DNAJC8: variants seen among roughly 807,000 people sequenced by gnomAD.
DNAJC8 encodes the protein dnaJ homolog subfamily C member 8.
Under a neutral mutation model 43.2 loss-of-function variants are expected in DNAJC8, and 24 were observed. The ratio of observed to expected loss-of-function variants is 0.56; its 90% CI spans 0.40 to 0.78. The LOEUF is 0.78. DNAJC8 is among the 30% of genes least tolerant of loss of function. The pLI is 0.00. For synonymous variants in DNAJC8, 83 were observed against 98.0 expected, an observed-to-expected ratio of 0.85 and a Z score of 0.90; for missense variants, 207 against 299.4, an observed-to-expected ratio of 0.69 and a Z score of 2.28.
At chr1:28,209,910 C>T in intron 5 of DNAJC8, 62 bp downstream of exon 5, 1 of 1,480,242 alleles carries the variant, frequency 6.8e-7, no homozygotes, top group East Asian at 2.3e-5. Context: ...ATGTACCCTT[C>T]TACAAGGTGC....
chr1:28,232,426 G>A (rs975267780), intron 1 of DNAJC8, among the ~76,000 whole-genome samples: 6 of 152,142 alleles, frequency 3.9e-5, no homozygotes, highest in African/African-American at 1.2e-4. Flanking sequence ...CTACTGTAAG[G>A]CCCCAAACTA....
intron 2 of DNAJC8, 39 bp from the exon 3 acceptor site, chr1:28,215,035 A>G: frequency 6.5e-7 from 1 of 1,533,206 alleles, no homozygotes; most frequent in Non-Finnish European, 8.9e-7. Flanking sequence ...AAAGGTGAAA[A>G]TAAATTACAT....
At chr1:28,201,460 C>G in intron 8 of DNAJC8, 90 bp from the exon 9 acceptor site, 1 of 1,576,250 alleles carries the variant, frequency 6.3e-7, no homozygotes, top group Non-Finnish European at 8.6e-7. Flanking sequence ...CTCCTGTAGC[C>G]CAGCCCACTT....
chr1:28,209,128 C>T (rs1646791643), intron 5 of DNAJC8, among the ~76,000 whole-genome samples: 1 of 152,180 alleles, frequency 6.6e-6, no homozygotes, highest in African/African-American at 2.4e-5. Context: ...TAAGGAGAAA[C>T]TGTCAGGCAC....
At chr1:28,206,198 A>C (rs113015904) in intron 6 of DNAJC8, among the ~76,000 whole-genome samples, 5 of 134,066 alleles carry the variant, frequency 3.7e-5, no homozygotes, top group African/African-American at 1.4e-4. Context: ...TCTCTTTTTT[A>C]AAAAAGTATA....
chr1:28,226,792 A>C (rs573852682), intron 2 of DNAJC8, among the ~76,000 whole-genome samples: 2 of 151,344 alleles, frequency 1.3e-5, no homozygotes, highest in South Asian at 4.2e-4. Flanking sequence ...GACTAGAGTA[A>C]GTTTCCTCAG....
chr1:28,215,779 C>T (rs1169318199), intron 2 of DNAJC8, among the ~76,000 whole-genome samples: 3 of 151,988 alleles, frequency 2.0e-5, no homozygotes, highest in East Asian at 1.9e-4. Flanking sequence ...TCAGGTGATC[C>T]GCCTGCCTCA....
At chr1:28,206,738 T>C (rs1646770937) in intron 6 of DNAJC8, among the ~76,000 whole-genome samples, 1 of 152,232 alleles carries the variant, frequency 6.6e-6, no homozygotes, top group Non-Finnish European at 1.5e-5. Context: ...ACAAAAGTAA[T>C]CTGTCATGCA....
intron 6 of DNAJC8, among the ~76,000 whole-genome samples, chr1:28,206,487 G>T (rs1646769276): frequency 6.6e-6 from 1 of 152,142 alleles, no homozygotes; most frequent in African/African-American, 2.4e-5. Flanking sequence ...AGTGAGTTAA[G>T]ATCATGCCAC....
At chr1:28,203,961 G>C in intron 7 of DNAJC8, 139 bp from the exon 8 acceptor site, 2 of 799,314 alleles carry the variant, frequency 2.5e-6, no homozygotes, top group South Asian at 1.5e-5. Context: ...TGTCTGGAAA[G>C]GGCTCATAGC....
Position 28,229,036 on chromosome 1 carries a change from G to C in DNAJC8, c.79-13C>G. 6.2e-7 allele frequency: 1 copy of C among 1,605,002 alleles called. No homozygotes were observed. ...CTATTTGTTTCACCTAAAATTATGA[G>C]GATTAAAAACTTCATTAATAGAATT... On this transcript the variant is annotated splice_polypyrimidine_tract_variant and intron_variant, in intron 1 of 8. Coordinates refer to ENST00000263697, the MANE Select transcript of DNAJC8 (RefSeq NM_014280.3).
At chr1:28,224,513 C>T (rs1646920264) in intron 2 of DNAJC8, among the ~76,000 whole-genome samples, 1 of 152,026 alleles carries the variant, frequency 6.6e-6, no homozygotes, top group Non-Finnish European at 1.5e-5. Context: ...AGTGATCTGC[C>T]CGCCTCAGCC....
intron 3 of DNAJC8, among the ~76,000 whole-genome samples, chr1:28,211,169 A>G: frequency 2.8e-5 from 1 of 35,794 alleles, no homozygotes; most frequent in East Asian, 2.4e-4. Flanking sequence ...AGGAAAAAAC[A>G]AAAACAAAAA....
intron 2 of DNAJC8, among the ~76,000 whole-genome samples, chr1:28,218,198 C>T (rs1157657127): frequency 1.3e-5 from 2 of 149,788 alleles, no homozygotes; most frequent in African/African-American, 5.0e-5. Context: ...GGGATTCAAG[C>T]GATTCTCCTG....
At chr1:28,231,564 A>G (rs979636765) in intron 1 of DNAJC8, among the ~76,000 whole-genome samples, 9 of 149,792 alleles carry the variant, frequency 6.0e-5, no homozygotes, top group African/African-American at 2.2e-4. Context: ...AAAATACAAA[A>G]ATTAGCCAGG....
intron 7 of DNAJC8, among the ~76,000 whole-genome samples, chr1:28,204,450 C>T (rs1038229500): frequency 6.6e-6 from 1 of 151,960 alleles, no homozygotes. Context: ...GCAGGAGAAT[C>T]ACCTGAACCT....
intron 3 of DNAJC8, among the ~76,000 whole-genome samples, chr1:28,213,407 A>G (rs1388992373): frequency 6.6e-6 from 1 of 152,164 alleles, no homozygotes; most frequent in Non-Finnish European, 1.5e-5. Flanking sequence ...AGGAAAAAAA[A>G]AAGCTATAAA....
At chr1:28,207,961 C>T (rs544469161) in intron 6 of DNAJC8, among the ~76,000 whole-genome samples, 1 of 152,130 alleles carries the variant, frequency 6.6e-6, no homozygotes, top group African/African-American at 2.4e-5. Flanking sequence ...AATCCCAGGA[C>T]TTTGGGAGGC....
chr1:28,202,561 GA>G (rs1646742971), intron 8 of DNAJC8, among the ~76,000 whole-genome samples: 1 of 146,840 alleles, frequency 6.8e-6, no homozygotes, highest in South Asian at 2.1e-4. Flanking sequence ...TTACAGGCAT[GA>G]GCCACCTCAC....
Sources: allele counts gnomAD v4.1 joint callset (sites outside exome capture counted in the v4.1 genomes callset), GRCh38; gene constraint gnomAD v4.1.1; transcripts MANE v1.5; gene names NCBI Gene and HGNC (gene_info 2026-07-23, HGNC 2026-07-21).